TMTC2: variants seen among roughly 807,000 people sequenced by gnomAD.
TMTC2 encodes transmembrane O-mannosyltransferase targeting cadherins 2, also known as protein O-mannosyl-transferase TMTC2.
In TMTC2, 43 loss-of-function variants were observed where a neutral mutation model predicts 82.4. The observed-to-expected ratio is 0.52, with a 90% CI of 0.41 to 0.67. TMTC2 has a LOEUF of 0.67. TMTC2 is among the 30% of genes least tolerant of loss of function. The probability of loss-of-function intolerance (pLI) is 0.00; values close to 1 mark genes in which losing one functional copy is unlikely to be tolerated. For missense variants in TMTC2, 919 were observed against 1,012.4 expected (o/e 0.91, Z 1.25); for synonymous variants, 408 against 381.9 (o/e 1.07, Z -0.80).
At chr12:82,750,443 G>T (rs1875926157) in intron 1 of TMTC2, among the ~76,000 whole-genome samples, 1 of 151,916 alleles carries the variant, frequency 6.6e-6, no homozygotes, top group Admixed American at 6.5e-5. Flanking sequence ...TTGGCAATTG[G>T]CATTCTGCAC....
At chr12:83,036,465 C>G (rs1296096790) in intron 9 of TMTC2, among the ~76,000 whole-genome samples, 2 of 144,994 alleles carry the variant, frequency 1.4e-5, no homozygotes, top group Non-Finnish European at 3.0e-5. Flanking sequence ...CTTATGTTTT[C>G]TTGTCCCCGA....
At chr12:83,040,359 G>A (rs1403771232) in intron 9 of TMTC2, among the ~76,000 whole-genome samples, 1 of 152,122 alleles carries the variant, frequency 6.6e-6, no homozygotes, top group Non-Finnish European at 1.5e-5. Flanking sequence ...AGAAATCCAG[G>A]GAGCTCTGAT....
rs532629453 is a variant in TMTC2 at position 83,025,351 on chromosome 12, GA to G, written c.2071-5442del. 2.4e-3 allele frequency among the ~76,000 whole-genome samples: 366 copies of G among 150,710 alleles called. 2 individuals carry two copies. The highest frequency in any genetic ancestry group is 8.3e-3 in the African/African-American group (342 of 41,192). On this transcript the variant is annotated intron_variant, in intron 8 of 11. Transcript: ENST00000321196. Reference sequence around the variant, plus strand: ...GATTAATGCACTATTTACATTAGGGGAAAAAGTATATATATGTATATTTATA... The same window carrying G: ...GATTAATGCACTATTTACATTAGGGGAAAAGTATATATATGTATATTTATA...
intron 1 of TMTC2, among the ~76,000 whole-genome samples, chr12:82,849,610 G>A (rs1014253062): frequency 6.6e-6 from 1 of 152,082 alleles, no homozygotes; most frequent in Non-Finnish European, 1.5e-5. Context: ...GATGGTTTGT[G>A]GAGAAAATTA....
chr12:83,108,839 A>G (rs1317645438), intron 11 of TMTC2, among the ~76,000 whole-genome samples: 2 of 152,180 alleles, frequency 1.3e-5, no homozygotes, highest in African/African-American at 4.8e-5. Flanking sequence ...TTGTCTTTCA[A>G]AGTTAACTTT....
chr12:82,835,743 G>A (rs1869999187), intron 1 of TMTC2, among the ~76,000 whole-genome samples: 1 of 152,108 alleles, frequency 6.6e-6, no homozygotes, highest in African/African-American at 2.4e-5. Flanking sequence ...CAATATTTAG[G>A]CAGTTCGCAT....
intron 1 of TMTC2, among the ~76,000 whole-genome samples, chr12:82,712,585 A>G (rs2136915462): frequency 6.6e-6 from 1 of 152,240 alleles, no homozygotes; most frequent in East Asian, 1.9e-4. Context: ...TACTTGAGTT[A>G]TGGCTGTCTC....
At chr12:83,051,781 CT>C (rs1450382883) in intron 10 of TMTC2, among the ~76,000 whole-genome samples, 5 of 151,964 alleles carry the variant, frequency 3.3e-5, no homozygotes, top group Non-Finnish European at 7.4e-5. Flanking sequence ...TTTAATTCTT[CT>C]GTTTTCAGAA....
At chr12:82,925,098 C>T (rs191680909) in intron 3 of TMTC2, among the ~76,000 whole-genome samples, 2 of 152,258 alleles carry the variant, frequency 1.3e-5, no homozygotes, top group East Asian at 1.9e-4. Flanking sequence ...CAGGCTTGCT[C>T]CTTATCCTTT....
intron 11 of TMTC2, among the ~76,000 whole-genome samples, chr12:83,112,376 C>G (rs1884626684): frequency 6.6e-6 from 1 of 152,094 alleles, no homozygotes; most frequent in Admixed American, 6.6e-5. Context: ...GCATCCAAGA[C>G]CTCATTTTCC....
chr12:82,742,143 G>T (rs921942851), intron 1 of TMTC2, among the ~76,000 whole-genome samples: 5 of 152,168 alleles, frequency 3.3e-5, no homozygotes, highest in African/African-American at 1.2e-4. Context: ...CTCCTAAGGC[G>T]CATCCCTACT....
At chr12:82,892,462 T>C (rs185356570) in intron 2 of TMTC2, among the ~76,000 whole-genome samples, 150 of 152,310 alleles carry the variant, frequency 9.8e-4, no homozygotes, top group African/African-American at 3.4e-3. Flanking sequence ...TATTAAGATA[T>C]AACAAATTAT....
intron 1 of TMTC2, among the ~76,000 whole-genome samples, chr12:82,818,872 G>T (rs1868906875): frequency 1.3e-5 from 2 of 152,086 alleles, no homozygotes; most frequent in South Asian, 4.1e-4. Flanking sequence ...AAGTCCAGAT[G>T]GGCAGTGATA....
intron 8 of TMTC2, among the ~76,000 whole-genome samples, chr12:83,017,944 CAG>C (rs35606561): frequency 0.77 from 114,910 of 149,876 alleles, 45,539 homozygotes; most frequent in South Asian, 0.93. Flanking sequence ...GGTAAATCAT[CAG>C]AGAATTTAGT....
At chr12:83,058,863 T>G (rs1347164019) in intron 10 of TMTC2, among the ~76,000 whole-genome samples, 1 of 151,852 alleles carries the variant, frequency 6.6e-6, no homozygotes, top group Non-Finnish European at 1.5e-5. Context: ...TATATCTAAT[T>G]GTGAGCTTTT....
Position 83,119,773 on chromosome 12 carries a change from C to A in TMTC2, c.2332-12437C>A, listed in dbSNP as rs527381897. On this transcript the variant is annotated intron_variant, in intron 11 of 11. Transcript: ENST00000321196. ...TCCCCCACTATTACTGTGTTACTGT[C>A]TCTCTCATTTCTCAGGTCTAGTAGT... Among the ~76,000 whole-genome samples the A allele has an allele frequency of 6.7e-5, 10 of 149,400 alleles. No homozygotes were observed. The South Asian group carries it at 2.2e-3, about 32-fold the overall frequency.
chr12:82,868,699 C>CTT (rs59925659), intron 2 of TMTC2, among the ~76,000 whole-genome samples: 10 of 132,750 alleles, frequency 7.5e-5, no homozygotes, highest in East Asian at 2.2e-4. Flanking sequence ...AAGTCTCTCT[C>CTT]TTTTTTTTTT....
chr12:83,011,208 C>A (rs1880441384), intron 8 of TMTC2, among the ~76,000 whole-genome samples: 1 of 152,208 alleles, frequency 6.6e-6, no homozygotes, highest in Non-Finnish European at 1.5e-5. Context: ...AGCCTGACTT[C>A]CTTTTCCATT....
intron 1 of TMTC2, among the ~76,000 whole-genome samples, chr12:82,779,876 G>C (rs1231297058): frequency 6.6e-6 from 1 of 152,102 alleles, no homozygotes; most frequent in Non-Finnish European, 1.5e-5. Context: ...TCCAGCCTGG[G>C]CAACAGAGCG....
Sources: allele counts gnomAD v4.1 joint callset (sites outside exome capture counted in the v4.1 genomes callset), GRCh38; gene constraint gnomAD v4.1.1; transcripts MANE v1.5; gene names NCBI Gene and HGNC (gene_info 2026-07-23, HGNC 2026-07-21).